The following PARP2 variants were observed in gnomAD, a reference collection of about 807,000 sequenced individuals.
The protein encoded by PARP2 is poly(ADP-ribose) polymerase 2, also known as poly [ADP-ribose] polymerase 2.
In PARP2, 57 loss-of-function variants were observed where a neutral mutation model predicts 77.8. The observed-to-expected ratio is 0.73, with a 90% CI of 0.59 to 0.91. The LOEUF (loss-of-function observed/expected upper bound fraction) is 0.91. PARP2 is among the 40% of genes least tolerant of loss of function. The pLI, the probability that PARP2 is intolerant of heterozygous loss-of-function variation, is 0.00. For synonymous variants in PARP2, 226 were observed against 242.6 expected, an observed-to-expected ratio of 0.93 and a Z score of 0.64; for missense variants, 651 against 689.0, an observed-to-expected ratio of 0.94 and a Z score of 0.62.
At chr14:20,349,872 T>C (rs1883895693) in intron 4 of PARP2, among the ~76,000 whole-genome samples, 1 of 152,206 alleles carries the variant, frequency 6.6e-6, no homozygotes, top group Non-Finnish European at 1.5e-5. Flanking sequence ...CTATGCCTTA[T>C]CATGGACTTC....
chr14:20,347,871 A>ATT (rs200147712), intron 4 of PARP2, among the ~76,000 whole-genome samples: 1 of 138,644 alleles, frequency 7.2e-6, no homozygotes, highest in Non-Finnish European at 1.6e-5. Flanking sequence ...CCTTTTGCAC[A>ATT]TTTTTTTTTT....
rs773346054 is a variant in PARP2, at chr14:20,356,592, T to A, written c.1232T>A (p.Met411Lys). The A allele has an allele frequency of 4.3e-6, 7 of 1,613,608 alleles. No homozygotes were observed. The South Asian group carries it at 7.7e-5, about 18-fold the overall frequency. Residue 411 changes from methionine (M) to lysine (K), a missense_variant and splice_region_variant, in exon 13 of 16, where the codon ATG becomes AAG. Transcript: ENST00000429687. ...CAATAATATTGGCTTTTCCTTAGGA[T>A]GCTTCTATGGCATGGTTCCAGGATG... ...EAFREDLHNR[M>K]LLWHGSRMSN...
chr14:20,350,703 G>A, intron 5 of PARP2, 81 bp downstream of exon 5: 1 of 869,866 alleles, frequency 1.1e-6, no homozygotes, highest in East Asian at 2.4e-5. Flanking sequence ...GGATTCTCTG[G>A]GTTTAAATTG....
intron 4 of PARP2, among the ~76,000 whole-genome samples, chr14:20,348,433 A>C (rs1046981135): frequency 1.3e-5 from 2 of 148,630 alleles, no homozygotes; most frequent in African/African-American, 2.5e-5. Flanking sequence ...GTGTCTTGCT[A>C]TGTTGCTCAG....
At chr14:20,355,032 T>C (rs2138945733) in intron 9 of PARP2, 85 bp downstream of exon 9, 1 of 1,239,616 alleles carries the variant, frequency 8.1e-7, no homozygotes, top group African/African-American at 1.5e-5. Flanking sequence ...ATCTTTTAAA[T>C]CTTTTATTCC....
At chr14:20,346,833 T>C (rs756125826) in intron 3 of PARP2, 30 bp from the exon 4 acceptor site, 33 of 1,476,644 alleles carry the variant, frequency 2.2e-5, no homozygotes, top group East Asian at 1.6e-4. Flanking sequence ...CCTATACTAA[T>C]GTTGATTTTT....
In PARP2 at chr14:20,357,891, A is replaced by T; in HGVS notation, c.*94A>T. 1 of 1,139,142 alleles carries T rather than the reference A, an allele frequency of 8.8e-7. No individual in the cohort carries two copies. The allele number at this position is 1,139,142 out of a possible 1,614,324, so 70.6% of individuals were successfully genotyped here. On this transcript the variant is annotated 3_prime_UTR_variant, in exon 16 of 16. Transcript: ENST00000429687. ...TTTTGTGATATTTTATGTAATAAAA[A>T]CTGTACAGGTCTACCACTGGCTTCT...
rs1279342596 is a variant in PARP2, at chr14:20,357,857, A to G, written c.*60A>G. ...CAAGCAAGAAAATAAGCAGTGTTGT[A>G]CTTGTGAATTTTGTGATATTTTATG... On this transcript the variant is annotated 3_prime_UTR_variant, in exon 16 of 16. Coordinates refer to ENST00000429687, the MANE Select transcript of PARP2 (RefSeq NM_001042618.2). 6.7e-7 allele frequency: 1 copy of G among 1,486,396 alleles called. No homozygotes were observed. The highest frequency in any genetic ancestry group is 9.2e-7 in the Non-Finnish European group (1 of 1,082,682). 92.1% of individuals were successfully genotyped at this position (1,486,396 alleles called of 1,614,324 possible).
At chr14:20,354,059 T>A in intron 7 of PARP2, 26 bp from the exon 8 acceptor site, 1 of 1,576,126 alleles carries the variant, frequency 6.3e-7, no homozygotes, top group East Asian at 2.2e-5. Context: ...TAGATTGTCT[T>A]GTGTTTTGTT....
chr14:20,352,762 A>G (rs1200860890), intron 7 of PARP2: 1 of 154,574 alleles, frequency 6.5e-6, no homozygotes, highest in East Asian at 1.9e-4. Flanking sequence ...GATATCTTGA[A>G]TCCTTTCTAC....
intron 1 of PARP2, 124 bp downstream of exon 1, chr14:20,343,811 T>C (rs1883606655): frequency 5.9e-6 from 6 of 1,019,242 alleles, no homozygotes; most frequent in Non-Finnish European, 8.8e-6. Context: ...ACCAAACCAG[T>C]TGGGGTGCTA....
intron 1 of PARP2, 119 bp from the exon 2 acceptor site, chr14:20,344,812 CA>C (rs1178662309): frequency 2.0e-5 from 15 of 763,758 alleles, no homozygotes; most frequent in Non-Finnish European, 3.2e-5. Flanking sequence ...GACTCCACCT[CA>C]AAACAAAAAA....
At chr14:20,356,164 G>A in intron 11 of PARP2, 133 bp downstream of exon 11, 1 of 1,412,370 alleles carries the variant, frequency 7.1e-7, no homozygotes, top group Non-Finnish European at 9.7e-7. Flanking sequence ...AGGGATTTGG[G>A]AAGGCCAAGC....
chr14:20,344,578 C>T (rs1246519130), intron 1 of PARP2, among the ~76,000 whole-genome samples: 2 of 152,068 alleles, frequency 1.3e-5, no homozygotes, highest in African/African-American at 4.8e-5. Flanking sequence ...CTTGGGAGGC[C>T]GAGGAGGGCA....
intron 4 of PARP2, among the ~76,000 whole-genome samples, chr14:20,347,535 C>A (rs1883812638): frequency 1.4e-5 from 2 of 146,352 alleles, no homozygotes; most frequent in Non-Finnish European, 3.0e-5. Flanking sequence ...CCAGCCTCAG[C>A]CTCCCAAGTA....
intron 8 of PARP2, chr14:20,354,601 T>G: frequency 5.3e-6 from 3 of 565,208 alleles, no homozygotes; most frequent in South Asian, 4.8e-5. Flanking sequence ...GAAGCTGAAG[T>G]GGGAGGATCA....
chr14:20,355,639 C>T (rs1884116515), intron 9 of PARP2, 113 bp from the exon 10 acceptor site: 5 of 714,384 alleles, frequency 7.0e-6, no homozygotes, highest in Admixed American at 5.1e-5. Context: ...AAATGGAAAA[C>T]CTGTTTCTCA....
chr14:20,350,445 G>C (rs1172718560), intron 4 of PARP2, 81 bp from the exon 5 acceptor site: 5 of 686,496 alleles, frequency 7.3e-6, no homozygotes, highest in East Asian at 5.1e-5. Flanking sequence ...ACTGGCACCT[G>C]TGACGAAGGA....
rs1472857084 is a variant in PARP2 at position 20,356,498 on chromosome 14, T to C, written c.1229+64T>C. 3.7e-5 allele frequency: 59 copies of C among 1,609,966 alleles called. No individual in the cohort carries two copies. In the East Asian group the frequency reaches 4.9e-4, roughly 13 times the overall value. On this transcript the variant is annotated intron_variant, in intron 12 of 15. Coordinates refer to ENST00000429687, the MANE Select transcript of PARP2 (RefSeq NM_001042618.2). ...CCCGAAAGTACAGCTGTAGAACTTA[T>C]AAGAGGGAGTCAGAGGAAGGTGTTG...
Sources: gnomAD v4.1 joint callset for allele counts (sites outside exome capture counted in the v4.1 genomes callset) on GRCh38, gnomAD v4.1.1 for gene constraint, MANE v1.5 for transcripts, NCBI Gene and HGNC (gene_info 2026-07-23, HGNC 2026-07-21) for gene names.